ARSG: variants seen among roughly 807,000 people sequenced by gnomAD.
ARSG encodes the protein arylsulfatase G.
In ARSG, 37 loss-of-function variants were observed where a neutral mutation model predicts 50.5. The observed-to-expected ratio is 0.73, with a 90% CI of 0.56 to 0.96. The LOEUF (loss-of-function observed/expected upper bound fraction) is 0.96, where lower values mean the gene tolerates loss of function less well. ARSG is among the 50% of genes least tolerant of loss of function. ARSG has a pLI of 0.00. For missense variants in ARSG, 629 were observed against 675.3 expected (o/e 0.93, Z 0.76); for synonymous variants, 225 against 254.6 (o/e 0.88, Z 1.11).
chr17:68,404,755 T>C (rs892772257), intron 11 of ARSG, among the ~76,000 whole-genome samples: 1 of 152,234 alleles, frequency 6.6e-6, no homozygotes, highest in East Asian at 1.9e-4. Context: ...TGTGAAATGA[T>C]TTGCCAAATT....
chr17:68,417,866 G>T (rs1250811335), intron 11 of ARSG, among the ~76,000 whole-genome samples: 1 of 147,126 alleles, frequency 6.8e-6, no homozygotes, highest in Non-Finnish European at 1.5e-5. Flanking sequence ...AGGTAGCCGG[G>T]ATTACAGGTG....
chr17:68,418,258 C>A (rs2082518076), intron 11 of ARSG, among the ~76,000 whole-genome samples: 1 of 152,146 alleles, frequency 6.6e-6, no homozygotes, highest in Non-Finnish European at 1.5e-5. Context: ...TTCCCTTGAA[C>A]TTATAAAGCC....
chr17:68,351,581 A>G lies in ARSG; in HGVS notation c.461A>G (p.Asp154Gly), dbSNP rs1194484005. 9 of 1,608,326 alleles carry G rather than the reference A, an allele frequency of 5.6e-6. No individual in the cohort carries two copies. Among genetic ancestry groups the G allele is most frequent in the Non-Finnish European group, 7.7e-6 (9 of 1,174,940 alleles). The change falls in exon 5 of 12, where the codon GAT becomes GGT. Residue 154 changes from aspartate to glycine, a missense_variant. Asp to Gly is a moderately conservative substitution (Grantham distance 94, BLOSUM62 -1). Transcript: ENST00000621439. Reference protein sequence around the residue: ...GSYHPNFRGFDYYFGIPYSHD... With the variant: ...GSYHPNFRGFGYYFGIPYSHD... Reference sequence around the variant, plus strand: ...CCGGTTGCTTCTATTCCAGGTTTTGATTACTACTTTGGAATCCCATATAGC... The same window carrying G: ...CCGGTTGCTTCTATTCCAGGTTTTGGTTACTACTTTGGAATCCCATATAGC...
chr17:68,301,984 G>T (rs1264657815), intron 1 of ARSG, among the ~76,000 whole-genome samples: 3 of 151,994 alleles, frequency 2.0e-5, no homozygotes, highest in South Asian at 2.1e-4. Flanking sequence ...TGTTCTTCAC[G>T]CTATTTACAT....
At chr17:68,395,226 C>T in intron 10 of ARSG, 33 bp downstream of exon 10, 1 of 1,611,082 alleles carries the variant, frequency 6.2e-7, no homozygotes, top group Non-Finnish European at 8.5e-7. Flanking sequence ...CACATGTAGG[C>T]TCTTTAGGAG....
downstream of ARSG, chr17:68,426,007 G>A (rs746500553): frequency 1.1e-3 from 1,322 of 1,249,340 alleles, 3 homozygotes; most frequent in Non-Finnish European, 1.4e-3. Context: ...TCTGCCTCTC[G>A]TATGAGGCGA....
At chr17:68,324,499 A>G (rs2077425481) in intron 2 of ARSG, among the ~76,000 whole-genome samples, 1 of 152,198 alleles carries the variant, frequency 6.6e-6, no homozygotes, top group Non-Finnish European at 1.5e-5. Context: ...GCGTGGCTGT[A>G]GTGGAAAGGG....
rs533824625 is a variant in ARSG, at chr17:68,282,019, A to G, written c.-552+22593A>G. Among the ~76,000 whole-genome samples the G allele has an allele frequency of 4.6e-5, 7 of 152,364 alleles. No homozygotes were observed. The East Asian group carries it at 1.3e-3, about 29-fold the overall frequency. ...TTACTGGGTATATACCCAAAGGATT[A>G]TAAATCATGCTGCTATAAAGACACA... On this transcript the variant is annotated intron_variant, in intron 1 of 11. Transcript: ENST00000448504.
At chr17:68,433,760 G>GTT in the ARSG span, among the ~76,000 whole-genome samples, 169 of 72,814 alleles carry the variant, frequency 2.3e-3, 24 homozygotes, top group East Asian at 6.6e-3. Context: ...AAGGGTCATA[G>GTT]TTTTTTTTTT....
At chr17:68,402,263 G>A (rs1224678395) in intron 11 of ARSG, among the ~76,000 whole-genome samples, 2 of 151,754 alleles carry the variant, frequency 1.3e-5, no homozygotes, top group Non-Finnish European at 2.9e-5. Flanking sequence ...TGTTTGTTTT[G>A]AGACAGAGTC....
At chr17:68,262,247 G>A (rs184502815) in intron 1 of ARSG, among the ~76,000 whole-genome samples, 12 of 152,010 alleles carry the variant, frequency 7.9e-5, no homozygotes, top group African/African-American at 1.9e-4. Flanking sequence ...TGAGGTCGGC[G>A]GATCACGATG....
intron 9 of ARSG, among the ~76,000 whole-genome samples, chr17:68,389,078 A>G (rs909765672): frequency 3.9e-5 from 6 of 152,206 alleles, no homozygotes; most frequent in Non-Finnish European, 7.3e-5. Flanking sequence ...CGGTCTTGGA[A>G]GTAAAAGCTA....
At chr17:68,291,469 G>A (rs1415340163), upstream of ARSG, 2 of 150,866 alleles carry the variant, frequency 1.3e-5, no homozygotes, top group African/African-American at 2.4e-5. Context: ...GCGCAGCCAA[G>A]GAGGGGGCCT....
At chr17:68,366,707 A>G (rs371009404) in intron 6 of ARSG, among the ~76,000 whole-genome samples, 8 of 117,416 alleles carry the variant, frequency 6.8e-5, no homozygotes, top group African/African-American at 2.0e-4. Flanking sequence ...GTGTGTGTGT[A>G]TTTTATTGTG....
At chr17:68,350,192 C>T (rs2078694100) in intron 4 of ARSG, among the ~76,000 whole-genome samples, 1 of 152,068 alleles carries the variant, frequency 6.6e-6, no homozygotes, top group Non-Finnish European at 1.5e-5. Context: ...CACCGAGGCC[C>T]CAAAGCATGA....
chr17:68,374,654 C>A (rs2080053772), intron 8 of ARSG, among the ~76,000 whole-genome samples: 1 of 151,968 alleles, frequency 6.6e-6, no homozygotes, highest in Admixed American at 6.6e-5. Flanking sequence ...GAGTTCAAGA[C>A]CAGTCTGGCC....
At chr17:68,328,914 G>T (rs1371788840) in intron 2 of ARSG, among the ~76,000 whole-genome samples, 3 of 152,170 alleles carry the variant, frequency 2.0e-5, no homozygotes, top group Non-Finnish European at 4.4e-5. Context: ...CAGCATTCTT[G>T]AGGTCTGGAA....
chr17:68,437,948 T>TAAAAAAAAAAAAA, the ARSG span, among the ~76,000 whole-genome samples: 68 of 78,788 alleles, frequency 8.6e-4, 1 homozygote, highest in African/African-American at 2.8e-3. Flanking sequence ...ACATCTCTCT[T>TAAAAAAAAAAAAA]AAAAAAAAAA....
intron 11 of ARSG, among the ~76,000 whole-genome samples, chr17:68,406,115 C>T (rs11870010): frequency 0.21 from 32,081 of 152,056 alleles, 3,596 homozygotes; most frequent in Middle Eastern, 0.27. Context: ...TAACTTAGCT[C>T]CCACATATCA....
Sources: allele counts gnomAD v4.1 joint callset (sites outside exome capture counted in the v4.1 genomes callset), GRCh38; gene constraint gnomAD v4.1.1; transcripts MANE v1.5; gene names NCBI Gene and HGNC (gene_info 2026-07-23, HGNC 2026-07-21).